KMT2C: variants seen among roughly 807,000 people sequenced by gnomAD.
The protein encoded by KMT2C is histone-lysine N-methyltransferase 2C.
In KMT2C, 88 loss-of-function variants were observed where a neutral mutation model predicts 507.9. The ratio of observed to expected loss-of-function variants is 0.17; its 90% CI spans 0.15 to 0.21. The LOEUF (loss-of-function observed/expected upper bound fraction) is 0.21. KMT2C is among the 10% of genes least tolerant of loss of function. The pLI, the probability that KMT2C is intolerant of heterozygous loss-of-function variation, is 1.00. For synonymous variants in KMT2C, 2,049 were observed against 2,080.8 expected (o/e 0.98, Z 0.42); for missense variants, 4,954 against 5,957.8 (o/e 0.83, Z 5.55).
intron 1 of KMT2C, among the ~76,000 whole-genome samples, chr7:152,359,918 G>A (rs948002940): frequency 9.3e-5 from 14 of 151,132 alleles, no homozygotes; most frequent in Non-Finnish European, 3.0e-5. Flanking sequence ...GTGTTGTGGC[G>A]TGTGCCTGTA....
At chr7:152,331,307 C>T (rs1358593934) in intron 2 of KMT2C, among the ~76,000 whole-genome samples, 25 of 147,894 alleles carry the variant, frequency 1.7e-4, no homozygotes, top group Admixed American at 1.5e-3. Flanking sequence ...CAGACCCTGT[C>T]TCAAAAAAAA....
At chr7:152,210,962 T>G (rs1052707554) in intron 23 of KMT2C, among the ~76,000 whole-genome samples, 2 of 152,052 alleles carry the variant, frequency 1.3e-5, no homozygotes, top group Non-Finnish European at 2.9e-5. Context: ...ACAGAGGGAA[T>G]TGTTATCAAT....
At chr7:152,171,849 T>G (rs2092976365) in intron 39 of KMT2C, among the ~76,000 whole-genome samples, 1 of 152,234 alleles carries the variant, frequency 6.6e-6, no homozygotes, top group African/African-American at 2.4e-5. Context: ...AGAATTTTCA[T>G]ACATTTTCAT....
intron 40 of KMT2C, among the ~76,000 whole-genome samples, chr7:152,169,990 T>A (rs559942205): frequency 3.7e-4 from 57 of 152,372 alleles, no homozygotes; most frequent in African/African-American, 1.3e-3. Context: ...GAAAAATGTT[T>A]ATCCAGTTGT....
At chr7:152,262,325 A>G (rs1316718895) in intron 9 of KMT2C, among the ~76,000 whole-genome samples, 4 of 152,150 alleles carry the variant, frequency 2.6e-5, no homozygotes. Context: ...CCCATGCAGC[A>G]CCTGAGGGTC....
rs2089788361 is a variant in KMT2C, at chr7:152,135,301, G to A, written c.*1531C>T. 2 of 218,992 alleles carry A rather than the reference G, an allele frequency of 9.1e-6. No homozygotes were observed. Among genetic ancestry groups the A allele is most frequent in the Non-Finnish European group, 1.8e-5 (2 of 108,898 alleles). The allele number at this position is 218,992 out of a possible 1,614,324, so 13.6% of individuals were successfully genotyped here. On this transcript the variant is annotated 3_prime_UTR_variant, in exon 59 of 59. Coordinates refer to ENST00000262189, the MANE Select transcript of KMT2C (RefSeq NM_170606.3). The stretch of plus-strand genomic sequence containing the variant: ...CACACAAAACTTCATTTTATACTTA[G>A]CCTGTGAAGTGTCAGTACCAGAATT...
chr7:152,217,615 A>G (rs1258233807), intron 23 of KMT2C, among the ~76,000 whole-genome samples: 1 of 152,224 alleles, frequency 6.6e-6, no homozygotes, highest in East Asian at 1.9e-4. Context: ...TTCAATAAAA[A>G]TAAGGACAAA....
intron 4 of KMT2C, among the ~76,000 whole-genome samples, chr7:152,312,633 A>G (rs1245614617): frequency 1.3e-5 from 2 of 152,246 alleles, no homozygotes; most frequent in Non-Finnish European, 2.9e-5. Flanking sequence ...AAGATAGTAT[A>G]ACAGCAAAAA....
At chr7:152,364,934 GACACACACACACACAC>G (rs71198778) in intron 1 of KMT2C, among the ~76,000 whole-genome samples, 3 of 138,056 alleles carry the variant, frequency 2.2e-5, no homozygotes, top group East Asian at 2.1e-4. Context: ...GAAACAGACA[GACACACACACACACAC>G]ACACACACAC....
chr7:152,215,865 C>T (rs1239721367), intron 23 of KMT2C, among the ~76,000 whole-genome samples: 1 of 151,844 alleles, frequency 6.6e-6, no homozygotes, highest in Non-Finnish European at 1.5e-5. Flanking sequence ...CACTGTTTAC[C>T]TTTTAATTAT....
chr7:152,243,839 C>T (rs2095426749), intron 14 of KMT2C, among the ~76,000 whole-genome samples: 2 of 151,904 alleles, frequency 1.3e-5, no homozygotes, highest in African/African-American at 4.8e-5. Context: ...GCAAATAATA[C>T]GTTTCATAAA....
chr7:152,336,595 TAAAGA>T (rs1206189047), intron 2 of KMT2C, among the ~76,000 whole-genome samples: 1 of 152,150 alleles, frequency 6.6e-6, no homozygotes, highest in Non-Finnish European at 1.5e-5. Flanking sequence ...ATGCTTTGCC[TAAAGA>T]AAGAAGCTAG....
Position 152,248,436 on chromosome 7 carries a change from T to G in KMT2C, c.1998A>C (p.Gln666His). The G allele has an allele frequency of 6.2e-7, 1 of 1,614,114 alleles. No individual in the cohort carries two copies. The highest frequency in any genetic ancestry group is 8.5e-7 in the Non-Finnish European group (1 of 1,179,990). ...TTTCAGGTTCCTCTAACAACTGCAG[T>G]TGTTCTTGCTGCACAGTGATCTGGT... ...VTHQITVQQE[Q>H]LQLLEEPETV... The change falls in exon 14 of 59, where the codon CAA (glutamine) becomes CAC (histidine). Residue 666 changes from glutamine (Q) to histidine (H), a missense_variant. Gln to His is a conservative substitution (Grantham distance 24, BLOSUM62 0). Coordinates refer to ENST00000262189, the MANE Select transcript of KMT2C (RefSeq NM_170606.3).
rs889995431 is a variant in KMT2C, at chr7:152,154,852, C to CA, written c.11961-408dup. The CA allele has an allele frequency of 4.2e-3, 621 of 148,756 alleles. 3 individuals carry two copies. The highest frequency in any genetic ancestry group is 0.012 in the South Asian group (58 of 4,912). The allele number at this position is 148,756 out of a possible 1,614,324, so 9.2% of individuals were successfully genotyped here. Reference sequence around the variant, plus strand: ...ATAAAAAAGGAAAACTTTAAAAAGACAAAAAAAAAAGGAAAGAGAAGTCCA... The same window carrying CA: ...ATAAAAAAGGAAAACTTTAAAAAGACAAAAAAAAAAAGGAAAGAGAAGTCCA... On this transcript the variant is annotated intron_variant, in intron 46 of 58. Transcript: ENST00000262189.
chr7:152,143,970 T>TA (rs1312096147), intron 55 of KMT2C, among the ~76,000 whole-genome samples: 1 of 152,142 alleles, frequency 6.6e-6, no homozygotes, highest in Non-Finnish European at 1.5e-5. Flanking sequence ...CTGGTAAACC[T>TA]AAGAGTGGAT....
At chr7:152,193,183 C>G (rs1385808007) in intron 31 of KMT2C, among the ~76,000 whole-genome samples, 1 of 152,034 alleles carries the variant, frequency 6.6e-6, no homozygotes, top group East Asian at 1.9e-4. Flanking sequence ...CAAAACAAAA[C>G]AAAAATACAT....
rs899283613 is a variant in KMT2C, at chr7:152,182,920, C to A, written c.5265+54G>T. On this transcript the variant is annotated intron_variant, in intron 35 of 58. Coordinates refer to ENST00000262189, the MANE Select transcript of KMT2C (RefSeq NM_170606.3). ...CTAAAATAATAATGCAAAGACCTCC[C>A]TTCTCAAAACAAAAATGCAACTTCA... 12 of 1,330,286 alleles carry A rather than the reference C, an allele frequency of 9.0e-6. No individual in the cohort carries two copies. The African/African-American group carries it at 1.8e-4, about 20-fold the overall frequency. The allele number at this position is 1,330,286 out of a possible 1,614,324, so 82.4% of individuals were successfully genotyped here. A position where few individuals can be genotyped will look rare whatever the true frequency, so the allele number is the denominator to read the frequency against.
chr7:152,146,563 G>C (rs1200343904), intron 53 of KMT2C, 36 bp downstream of exon 53: 4 of 1,608,998 alleles, frequency 2.5e-6, no homozygotes, highest in Non-Finnish European at 3.4e-6. Context: ...AATCAGGAAA[G>C]CAATTCCAAT....
chr7:152,290,603 C>T (rs1180724999), intron 6 of KMT2C, among the ~76,000 whole-genome samples: 1 of 151,668 alleles, frequency 6.6e-6, no homozygotes, highest in Non-Finnish European at 1.5e-5. Flanking sequence ...CCACTGCGCC[C>T]GGCCCATAAA....
Sources: gnomAD v4.1 joint callset for allele counts (sites outside exome capture counted in the v4.1 genomes callset) on GRCh38, gnomAD v4.1.1 for gene constraint, MANE v1.5 for transcripts, NCBI Gene and HGNC (gene_info 2026-07-23, HGNC 2026-07-21) for gene names.